The following DAB1 variants were observed in gnomAD, a reference collection of about 807,000 sequenced individuals.
DAB1 encodes DAB adaptor protein 1.
In DAB1, 15 loss-of-function variants were observed where a neutral mutation model predicts 64.6. That is an observed-to-expected ratio of 0.23 (90% CI 0.16 to 0.36). DAB1 has a LOEUF of 0.36. Ranked by LOEUF, DAB1 falls within the 10% of genes least tolerant of loss-of-function variation. The pLI is 1.00. For missense variants in DAB1, 596 were observed against 706.7 expected, an observed-to-expected ratio of 0.84 and a Z score of 1.78; for synonymous variants, 235 against 251.9, an observed-to-expected ratio of 0.93 and a Z score of 0.64.
At chr1:57,308,672 T>G (rs1225860679) in intron 1 of DAB1, among the ~76,000 whole-genome samples, 1 of 152,200 alleles carries the variant, frequency 6.6e-6, no homozygotes, top group East Asian at 1.9e-4. Context: ...AGAAATGGCT[T>G]CTAATAATAA....
At chr1:57,986,017 T>C (rs1477110478) in intron 5 of DAB1, among the ~76,000 whole-genome samples, 2 of 152,182 alleles carry the variant, frequency 1.3e-5, no homozygotes, top group African/African-American at 4.8e-5. Flanking sequence ...AACCAACATG[T>C]TCAAACTGAC....
intron 7 of DAB1, among the ~76,000 whole-genome samples, chr1:57,599,180 TTC>T (rs1239681750): frequency 7.0e-6 from 1 of 142,946 alleles, no homozygotes; most frequent in African/African-American, 2.7e-5. Flanking sequence ...TTTGAGCTTC[TTC>T]TTTTTTTTTT....
intron 7 of DAB1, among the ~76,000 whole-genome samples, chr1:57,512,327 T>C (rs1013358959): frequency 6.6e-6 from 1 of 152,084 alleles, no homozygotes; most frequent in Non-Finnish European, 1.5e-5. Flanking sequence ...GAAATATTTG[T>C]GGAAAAAAAG....
intron 6 of DAB1, among the ~76,000 whole-genome samples, chr1:57,773,293 TA>T (rs1053419516): frequency 7.2e-5 from 11 of 151,930 alleles, no homozygotes; most frequent in Non-Finnish European, 1.3e-4. Flanking sequence ...AATGTTCAAA[TA>T]TTTTGCCCAT....
At chr1:58,428,283 A>G (rs1316375391) in intron 3 of DAB1, among the ~76,000 whole-genome samples, 1 of 152,230 alleles carries the variant, frequency 6.6e-6, no homozygotes, top group Non-Finnish European at 1.5e-5. Context: ...TTTTGCCAAA[A>G]TACAAAAACT....
chr1:57,522,941 A>G (rs1322042130), intron 7 of DAB1, among the ~76,000 whole-genome samples: 1 of 152,098 alleles, frequency 6.6e-6, no homozygotes, highest in Non-Finnish European at 1.5e-5. Flanking sequence ...TTGGACTTAC[A>G]CCAGTGATTT....
At chr1:57,342,081 C>T (rs1264167550) in intron 1 of DAB1, among the ~76,000 whole-genome samples, 1 of 152,226 alleles carries the variant, frequency 6.6e-6, no homozygotes, top group Non-Finnish European at 1.5e-5. Flanking sequence ...GGTTAAGTTA[C>T]TGACTTATAC....
intron 2 of DAB1, among the ~76,000 whole-genome samples, chr1:57,211,130 C>T (rs1380201621): frequency 6.6e-6 from 1 of 152,178 alleles, no homozygotes; most frequent in Non-Finnish European, 1.5e-5. Flanking sequence ...TTAAAATTCT[C>T]ACAAAAGTGA....
intron 9 of DAB1, among the ~76,000 whole-genome samples, chr1:57,055,315 C>G (rs1344562286): frequency 6.6e-6 from 1 of 152,122 alleles, no homozygotes; most frequent in Non-Finnish European, 1.5e-5. Context: ...ACCTTGAGAA[C>G]AAATCTGCTA....
At chr1:57,083,960 T>G (rs1347415468) in intron 4 of DAB1, among the ~76,000 whole-genome samples, 3 of 152,218 alleles carry the variant, frequency 2.0e-5, no homozygotes, top group Non-Finnish European at 4.4e-5. Context: ...GCTGGTAAAG[T>G]GCCTAGCGTT....
intron 2 of DAB1, among the ~76,000 whole-genome samples, chr1:57,177,454 T>C (rs1473835913): frequency 6.6e-6 from 1 of 152,136 alleles, no homozygotes; most frequent in Non-Finnish European, 1.5e-5. Flanking sequence ...AAAAGATGTT[T>C]TTCCTCCCCT....
chr1:57,452,227 G>A (rs1014003729), intron 7 of DAB1, among the ~76,000 whole-genome samples: 2 of 140,850 alleles, frequency 1.4e-5, no homozygotes, highest in Non-Finnish European at 3.0e-5. Flanking sequence ...GAGTGCAGTG[G>A]TGTGATAATA....
intron 6 of DAB1, among the ~76,000 whole-genome samples, chr1:57,665,779 C>T (rs1385183784): frequency 1.3e-5 from 2 of 150,524 alleles, no homozygotes; most frequent in Non-Finnish European, 3.0e-5. Flanking sequence ...CACATATTCA[C>T]AAATAAATAC....
chr1:58,365,294 A>C (rs1003761601), intron 3 of DAB1, among the ~76,000 whole-genome samples: 7 of 152,218 alleles, frequency 4.6e-5, no homozygotes, highest in African/African-American at 1.4e-4. Context: ...AAGACTCCAC[A>C]AGAGAGTCAT....
chr1:57,718,673 C>A (rs1245821046), intron 6 of DAB1, among the ~76,000 whole-genome samples: 1 of 152,096 alleles, frequency 6.6e-6, no homozygotes, highest in East Asian at 1.9e-4. Flanking sequence ...GCTTACAATG[C>A]AATCAAGTCA....
intron 4 of DAB1, among the ~76,000 whole-genome samples, chr1:58,295,746 C>T (rs1362932348): frequency 6.6e-6 from 1 of 151,988 alleles, no homozygotes; most frequent in Non-Finnish European, 1.5e-5. Flanking sequence ...AGAGATTAAA[C>T]ACTGGAACGC....
intron 3 of DAB1, among the ~76,000 whole-genome samples, chr1:58,474,682 G>C (rs1364024866): frequency 2.0e-5 from 3 of 152,206 alleles, no homozygotes; most frequent in African/African-American, 7.2e-5. Flanking sequence ...GGACTATGGA[G>C]CAGGAGAAAT....
At chr1:58,539,214 T>C (rs551133594) in intron 1 of DAB1, 2 of 872,788 alleles carry the variant, frequency 2.3e-6, no homozygotes, top group South Asian at 1.3e-5. Context: ...ATGTGTTACA[T>C]TTTCTCCAGT....
At chr1:57,737,733 C>A (rs533131033) in intron 6 of DAB1, among the ~76,000 whole-genome samples, 6 of 152,256 alleles carry the variant, frequency 3.9e-5, no homozygotes, top group African/African-American at 1.4e-4. Context: ...GTGACACAAC[C>A]ATTTTGAGAA....
Sources: allele counts gnomAD v4.1 joint callset (sites outside exome capture counted in the v4.1 genomes callset), GRCh38; gene constraint gnomAD v4.1.1; transcripts MANE v1.5; gene names NCBI Gene and HGNC (gene_info 2026-07-23, HGNC 2026-07-21).